The following TENT5B variants were observed in gnomAD, a reference collection of about 807,000 sequenced individuals.
TENT5B encodes terminal nucleotidyltransferase 5B.
A neutral mutation model predicts 21.7 loss-of-function variants in TENT5B; 12 were observed. The ratio of observed to expected loss-of-function variants is 0.55; its 90% CI spans 0.36 to 0.90. The LOEUF (loss-of-function observed/expected upper bound fraction) is 0.90, where lower values mean the gene tolerates loss of function less well. TENT5B is among the 40% of genes least tolerant of loss of function. TENT5B has a pLI of 0.01. For missense variants in TENT5B, 540 were observed against 601.5 expected, an observed-to-expected ratio of 0.90 and a Z score of 1.07; for synonymous variants, 262 against 266.6, an observed-to-expected ratio of 0.98 and a Z score of 0.17.
intron 1 of TENT5B, among the ~76,000 whole-genome samples, chr1:27,009,388 A>T (rs1197402077): frequency 6.6e-6 from 1 of 152,184 alleles, no homozygotes; most frequent in African/African-American, 2.4e-5. Flanking sequence ...TTTCTACCAC[A>T]TTACAGTCCC....
chr1:27,012,451 C>A lies in TENT5B; in HGVS notation c.220G>T (p.Gly74Cys). The A allele has an allele frequency of 1.2e-6, 2 of 1,613,160 alleles. No individual in the cohort carries two copies. Among genetic ancestry groups the A allele is most frequent in the Non-Finnish European group, 1.7e-6 (2 of 1,179,864 alleles). Residue 74 changes from glycine to cysteine, a missense_variant, in exon 1 of 2, where the codon GGC becomes TGC. Gly to Cys is a radical substitution (Grantham distance 159, BLOSUM62 -3). Transcript: ENST00000289166. ...LSEPIPIHGR[G>C]NFPTLSVQPR... ...TGCACGCTCAGCGTGGGGAAGTTGC[C>A]GCGCCCGTGAATGGGAATCGGCTCG...
In TENT5B at chr1:27,006,664, G is replaced by T. The variant is rs776149920; in HGVS notation, c.558C>A (p.Arg186=). Residue 186 remains arginine, a synonymous_variant, in exon 2 of 2, where the codon CGC becomes CGA. Transcript: ENST00000289166. This position sits in a 1 kb window ranked among gnomAD's most constrained non-coding sequence, Gnocchi z 9.4. ...TGTTGGACAGTGAGATGAGGCTCCA[G>T]CGGTCCGAGTCTGTGCACACTTTCA... ...KLVKVCTDSD[R]WSLISLSNKS... 3.7e-6 allele frequency: 6 copies of T among 1,614,126 alleles called. No homozygotes were observed. The highest frequency in any genetic ancestry group is 1.7e-5 in the Admixed American group (1 of 60,024).
intron 1 of TENT5B, among the ~76,000 whole-genome samples, chr1:27,011,674 G>A (rs1446070565): frequency 6.6e-6 from 1 of 152,220 alleles, no homozygotes; most frequent in Admixed American, 6.5e-5. Flanking sequence ...GGAGGAGGGA[G>A]GGGCTGTCAG....
chr1:27,006,154 G>A lies in TENT5B; in HGVS notation c.1068C>T (p.Cys356=). The change falls in exon 2 of 2, where the codon TGC becomes TGT. Residue 356 remains cysteine (C), a synonymous_variant. Coordinates refer to ENST00000289166, the MANE Select transcript of TENT5B (RefSeq NM_052943.4). The surrounding 1 kb of genome is among the most constrained non-coding windows in gnomAD (Gnocchi z 9.4). ...TCTGGCGGCGCTCGTGGTTCATGAG[G>A]CACACGGTGCTCTCGTTGACCACCC... ...LHRVVNESTV[C]LMNHERRQTL... The A allele has an allele frequency of 6.2e-7, 1 of 1,609,740 alleles. No individual in the cohort carries two copies.
At chr1:27,008,380 G>A (rs1434810655) in intron 1 of TENT5B, among the ~76,000 whole-genome samples, 1 of 152,150 alleles carries the variant, frequency 6.6e-6, no homozygotes, top group Non-Finnish European at 1.5e-5. Context: ...GGCAAGCTGT[G>A]GTGGGGCAAT....
chr1:27,012,384 TC>T, intron 1 of TENT5B, 22 bp downstream of exon 1: 2 of 1,604,304 alleles, frequency 1.2e-6, no homozygotes. Flanking sequence ...TTCCCCCACA[TC>T]CCCCGCCTGG....
At position 27,012,634 on chromosome 1, in the gene TENT5B, G is replaced by A. The variant is rs1030612130; in HGVS notation, c.37C>T (p.Arg13Trp). The part of the protein sequence containing the change: ...PSESGAERRD[R>W]AAAQVGTAAA... ...GCCGTCCCCACCTGAGCAGCCGCCC[G>A]GTCCCTGCGCTCAGCTCCGCTCTCC... The change falls in exon 1 of 2, where the codon CGG (arginine) becomes TGG (tryptophan). Residue 13 changes from arginine (R) to tryptophan (W), a missense_variant. By Grantham distance (101) the Arg-to-Trp change is moderately radical. Coordinates refer to ENST00000289166, the MANE Select transcript of TENT5B (RefSeq NM_052943.4). 4 of 1,511,386 alleles carry A rather than the reference G, an allele frequency of 2.6e-6. No homozygotes were observed. In the Middle Eastern group the frequency reaches 7.0e-4, roughly 263 times the overall value. The allele number at this position is 1,511,386 out of a possible 1,614,324, so 93.6% of individuals were successfully genotyped here.
chr1:27,006,612 A>G lies in TENT5B; in HGVS notation c.610T>C (p.Phe204Leu). The part of the protein sequence containing the change: ...NKSGKNVELK[F>L]VDSVRRQFEF... ...AACTGGCGTCTCACCGAGTCCACAA[A>G]CTTGAGCTCCACGTTCTTGCCGCTC... is the stretch of plus-strand genomic sequence containing the variant. The change falls in exon 2 of 2, where the codon TTT (phenylalanine) becomes CTT (leucine). Residue 204 changes from phenylalanine (F) to leucine (L), a missense_variant. Coordinates refer to ENST00000289166, the MANE Select transcript of TENT5B (RefSeq NM_052943.4). The surrounding 1 kb of genome is among the most constrained non-coding windows in gnomAD (Gnocchi z 9.4). The G allele has an allele frequency of 1.2e-6, 2 of 1,614,072 alleles. No individual in the cohort carries two copies. The highest frequency in any genetic ancestry group is 8.5e-7 in the Non-Finnish European group (1 of 1,179,990).
At chr1:27,012,289 A>C in intron 1 of TENT5B, 118 bp downstream of exon 1, 1 of 1,460,454 alleles carries the variant, frequency 6.8e-7, no homozygotes, top group Admixed American at 2.1e-5. Flanking sequence ...TGTTACAGCC[A>C]TGTCCCCGTT....
At chr1:27,008,694 C>T (rs1381272315) in intron 1 of TENT5B, among the ~76,000 whole-genome samples, 1 of 152,022 alleles carries the variant, frequency 6.6e-6, no homozygotes, top group African/African-American at 2.4e-5. Flanking sequence ...CTCCGCCTCC[C>T]AGGTTCAAGT....
rs1327079393 is a variant in TENT5B at position 27,012,588 on chromosome 1, G to A, written c.83C>T (p.Thr28Met). The A allele has an allele frequency of 3.3e-6, 5 of 1,535,082 alleles. No homozygotes were observed. The highest frequency in any genetic ancestry group is 4.9e-5 in the East Asian group (2 of 40,986). ...VGTAAATAVA[T>M]AAPAGGGPDP... ...GGGGCCGCCGCCTGCCGGGGCTGCC[G>A]TGGCCACCGCCGTGGCCGCAGCCGT... is the stretch of plus-strand genomic sequence containing the variant. Residue 28 changes from threonine (T) to methionine (M), a missense_variant, in exon 1 of 2, where the codon ACG becomes ATG. Coordinates refer to ENST00000289166, the MANE Select transcript of TENT5B (RefSeq NM_052943.4).
chr1:27,006,366 G>A lies in TENT5B; in HGVS notation c.856C>T (p.Leu286=). 6.2e-7 allele frequency: 1 copy of A among 1,611,914 alleles called. No individual in the cohort carries two copies. Among genetic ancestry groups the A allele is most frequent in the Non-Finnish European group, 8.5e-7 (1 of 1,179,092 alleles). ...GGCCGGGGCCGGAAGCCCCGCACCA[G>A]GAGGTGGCAGTACTTGAGGAGGCCA... The part of the protein sequence containing the change: ...GGGLLKYCHL[L]VRGFRPRPST... Residue 286 remains leucine, a synonymous_variant, in exon 2 of 2, where the codon CTG becomes TTG. Transcript: ENST00000289166. This position sits in a 1 kb window ranked among gnomAD's most constrained non-coding sequence, Gnocchi z 9.4.
chr1:27,009,319 A>C (rs925796258), intron 1 of TENT5B, among the ~76,000 whole-genome samples: 41 of 152,104 alleles, frequency 2.7e-4, no homozygotes, highest in Non-Finnish European at 5.0e-4. Context: ...TGTCACTTGC[A>C]CAAGATCACG....
chr1:27,010,783 A>G (rs2082620473), intron 1 of TENT5B, among the ~76,000 whole-genome samples: 1 of 152,102 alleles, frequency 6.6e-6, no homozygotes, highest in South Asian at 2.1e-4. Flanking sequence ...TGGCACCACC[A>G]TTGCATTGTA....
Position 27,006,155 on chromosome 1 carries a change from C to T in TENT5B, c.1067G>A (p.Cys356Tyr), listed in dbSNP as rs755329965. ...CTGGCGGCGCTCGTGGTTCATGAGG[C>T]ACACGGTGCTCTCGTTGACCACCCG... is the stretch of plus-strand genomic sequence containing the variant. ...LHRVVNESTV[C>Y]LMNHERRQTL... Residue 356 changes from cysteine to tyrosine, a missense_variant, in exon 2 of 2, where the codon TGC becomes TAC. By Grantham distance (194) the Cys-to-Tyr change is radical. Transcript: ENST00000289166. This position sits in a 1 kb window ranked among gnomAD's most constrained non-coding sequence, Gnocchi z 9.4. 2.5e-6 allele frequency: 4 copies of T among 1,609,760 alleles called. No homozygotes were observed. The South Asian group carries it at 4.4e-5, about 18-fold the overall frequency.
In TENT5B at chr1:27,005,937, G is replaced by A. The variant is rs551825836; in HGVS notation, c.*7C>T. 2.6e-6 allele frequency: 4 copies of A among 1,550,770 alleles called. No individual in the cohort carries two copies. The highest frequency in any genetic ancestry group is 1.9e-5 in the Admixed American group (1 of 53,690). The stretch of plus-strand genomic sequence containing the variant: ...CCCAGTCCCTTCCCTTCTGGCCAGG[G>A]TCTGAGTCAGTTACAAGGCAGCCAG... On this transcript the variant is annotated 3_prime_UTR_variant, in exon 2 of 2. Transcript: ENST00000289166.
rs535071928 is a variant in TENT5B at position 27,005,268 on chromosome 1, T to G, written c.*676A>C. ...AAGGAGTGGCACCCTGGAAGGGGCC[T>G]GGGCTGCGACCCACCCTGGGCTGCT... On this transcript the variant is annotated 3_prime_UTR_variant, in exon 2 of 2. Coordinates refer to ENST00000289166, the MANE Select transcript of TENT5B (RefSeq NM_052943.4). 1 of 152,752 alleles carries G rather than the reference T, an allele frequency of 6.5e-6. No individual in the cohort carries two copies. The highest frequency in any genetic ancestry group is 2.4e-5 in the African/African-American group (1 of 41,552). 9.5% of individuals were successfully genotyped at this position (152,752 alleles called of 1,614,324 possible).
chr1:27,012,567 C>T lies in TENT5B; in HGVS notation c.104G>A (p.Gly35Asp). The change falls in exon 1 of 2, where the codon GGC (glycine) becomes GAC (aspartate). Residue 35 changes from glycine (G) to aspartate (D), a missense_variant. Coordinates refer to ENST00000289166, the MANE Select transcript of TENT5B (RefSeq NM_052943.4). ...GGCCGATAAGGCCTCCGGGTCGGGG[C>T]CGCCGCCTGCCGGGGCTGCCGTGGC... ...AVATAAPAGG[G>D]PDPEALSAFP... 1 of 1,553,870 alleles carries T rather than the reference C, an allele frequency of 6.4e-7. No homozygotes were observed. Among genetic ancestry groups the T allele is most frequent in the Non-Finnish European group, 8.6e-7 (1 of 1,156,300 alleles).
Position 27,012,546 on chromosome 1 carries a change from G to C in TENT5B, c.125C>G (p.Ser42Trp), listed in dbSNP as rs780132172. ...AGGGPDPEAL[S>W]AFPGRHLSGL... is the part of the protein sequence containing the mutation. Reference sequence around the variant, plus strand: ...ACTCAGGTGCCGTCCGGGGAAGGCCGATAAGGCCTCCGGGTCGGGGCCGCC... The same window carrying C: ...ACTCAGGTGCCGTCCGGGGAAGGCCCATAAGGCCTCCGGGTCGGGGCCGCC... Residue 42 changes from serine (S) to tryptophan (W), a missense_variant, in exon 1 of 2, where the codon TCG becomes TGG. Transcript: ENST00000289166. 4 of 1,595,872 alleles carry C rather than the reference G, an allele frequency of 2.5e-6. No individual in the cohort carries two copies. In the East Asian group the frequency reaches 9.0e-5, roughly 36 times the overall value.
Sources: gnomAD v4.1 joint callset for allele counts (sites outside exome capture counted in the v4.1 genomes callset) on GRCh38, gnomAD v4.1.1 for gene constraint, Gnocchi (gnomAD v3.1) non-coding constraint, MANE v1.5 for transcripts, NCBI Gene and HGNC (gene_info 2026-07-23, HGNC 2026-07-21) for gene names.